Variants in CACNA1E observed in about 807,000 individuals in gnomAD.
CACNA1E encodes calcium voltage-gated channel subunit alpha1 E, also known as voltage-dependent R-type calcium channel subunit alpha-1E.
Under a neutral mutation model 259.2 loss-of-function variants are expected in CACNA1E, and 40 were observed. The ratio of observed to expected loss-of-function variants is 0.15; its 90% confidence interval spans 0.12 to 0.20. The LOEUF (loss-of-function observed/expected upper bound fraction) is 0.20, where lower values mean the gene tolerates loss of function less well. Ranked by LOEUF, CACNA1E falls within the 10% of genes least tolerant of loss-of-function variation. The pLI is 1.00. For missense variants in CACNA1E, 1,874 were observed against 3,040.1 expected (o/e 0.62, Z 9.02); for synonymous variants, 1,104 against 1,138.5 (o/e 0.97, Z 0.61).
intron 47 of CACNA1E, among the ~76,000 whole-genome samples, chr1:181,797,466 A>G (rs549065822): frequency 6.6e-6 from 1 of 152,190 alleles, no homozygotes; most frequent in Non-Finnish European, 1.5e-5. Context: ...CAGCGGAGAA[A>G]AGGCAGGGCT....
chr1:181,606,060 T>C (rs1035241230), intron 6 of CACNA1E, among the ~76,000 whole-genome samples: 1 of 152,150 alleles, frequency 6.6e-6, no homozygotes, highest in East Asian at 1.9e-4. Context: ...TCCGTCTTTC[T>C]GGTTGCTTCT....
At chr1:181,401,352 T>A (rs934818225) in intron 1 of CACNA1E, among the ~76,000 whole-genome samples, 1 of 152,132 alleles carries the variant, frequency 6.6e-6, no homozygotes, top group African/African-American at 2.4e-5. Context: ...CCCAAGACCC[T>A]CTATAGCCTC....
chr1:181,384,222 C>A (rs1326439184), intron 1 of CACNA1E, among the ~76,000 whole-genome samples: 1 of 152,140 alleles, frequency 6.6e-6, no homozygotes, highest in Admixed American at 6.5e-5. Context: ...GGTGTTAAGA[C>A]ACGGAGATGC....
chr1:181,504,280 C>G (rs535045862), intron 1 of CACNA1E, among the ~76,000 whole-genome samples: 13 of 151,970 alleles, frequency 8.6e-5, no homozygotes, highest in Admixed American at 6.6e-4. Flanking sequence ...TCTTCTATAC[C>G]CCCCCAGGAG....
rs373429409 is a variant in CACNA1E, at chr1:181,561,684, A to G, written c.513-16082A>G. 7.9e-5 allele frequency among the ~76,000 whole-genome samples: 12 copies of G among 152,278 alleles called. No homozygotes were observed. The East Asian group carries it at 9.6e-4, about 12-fold the overall frequency. On this transcript the variant is annotated intron_variant, in intron 3 of 47. Coordinates refer to ENST00000367573, the MANE Select transcript of CACNA1E (RefSeq NM_001205293.3). ...ATGATCACAATTTGTTTATTCACCA[A>G]TCGAGGGACATTTCAGTTGTTTTCA...
intron 7 of CACNA1E, among the ~76,000 whole-genome samples, chr1:181,654,877 G>A (rs1179116603): frequency 6.6e-6 from 1 of 151,278 alleles, no homozygotes; most frequent in Non-Finnish European, 1.5e-5. Flanking sequence ...CCAGCTACGC[G>A]AGAGGCTGAG....
intron 1 of CACNA1E, among the ~76,000 whole-genome samples, chr1:181,331,467 A>G (rs1253272125): frequency 6.6e-6 from 1 of 152,102 alleles, no homozygotes; most frequent in Non-Finnish European, 1.5e-5. Context: ...AGGAGAGGGG[A>G]GGAAGAGTGT....
chr1:181,787,454 A>G (rs556606975), intron 43 of CACNA1E, among the ~76,000 whole-genome samples: 3 of 152,070 alleles, frequency 2.0e-5, no homozygotes, highest in African/African-American at 7.2e-5. Flanking sequence ...CTAAATTGCA[A>G]TCTCTGTTTA....
At chr1:181,773,770 T>C (rs1659730096) in intron 37 of CACNA1E, among the ~76,000 whole-genome samples, 2 of 152,232 alleles carry the variant, frequency 1.3e-5, no homozygotes, top group African/African-American at 4.8e-5. Context: ...ACTTTTATCT[T>C]ATATGGTTTA....
chr1:181,532,535 T>A (rs1343211652), intron 3 of CACNA1E, among the ~76,000 whole-genome samples: 1 of 152,218 alleles, frequency 6.6e-6, no homozygotes, highest in African/African-American at 2.4e-5. Context: ...GATCTTTCTC[T>A]CATGTTCTCT....
chr1:181,322,475 A>G (rs1263928150), intron 1 of CACNA1E, among the ~76,000 whole-genome samples: 4 of 152,234 alleles, frequency 2.6e-5, no homozygotes, highest in African/African-American at 7.2e-5. Flanking sequence ...AACAGTTGTA[A>G]CAAATAGTTA....
intron 7 of CACNA1E, among the ~76,000 whole-genome samples, chr1:181,691,231 A>C (rs1484251894): frequency 6.6e-6 from 1 of 151,590 alleles, no homozygotes; most frequent in East Asian, 1.9e-4. Flanking sequence ...TAGTTCTTTG[A>C]TTTTATTTAT....
chr1:181,579,942 G>A (rs1651358866), intron 5 of CACNA1E, among the ~76,000 whole-genome samples: 1 of 152,154 alleles, frequency 6.6e-6, no homozygotes, highest in Non-Finnish European at 1.5e-5. Flanking sequence ...GAGATTGTTA[G>A]GGTACACAAC....
chr1:181,465,956 G>C (rs1367868217), intron 2 of CACNA1E, among the ~76,000 whole-genome samples: 1 of 151,682 alleles, frequency 6.6e-6, no homozygotes, highest in African/African-American at 2.4e-5. Context: ...ACCCAGGGGT[G>C]TTATTTTCTT....
At chr1:181,559,526 G>T (rs1649093539) in intron 3 of CACNA1E, among the ~76,000 whole-genome samples, 1 of 152,172 alleles carries the variant, frequency 6.6e-6, no homozygotes, top group Non-Finnish European at 1.5e-5. Flanking sequence ...TGGAGGAAGA[G>T]GAGTAGCCAA....
chr1:181,738,343 C>T (rs2102588630), intron 23 of CACNA1E, 24 bp from the exon 24 acceptor site: 2 of 1,605,874 alleles, frequency 1.2e-6, no homozygotes, highest in Non-Finnish European at 1.7e-6. Context: ...ATGGTCATTT[C>T]CTTCCACCAT....
At chr1:181,541,111 T>A (rs1209597145) in intron 3 of CACNA1E, among the ~76,000 whole-genome samples, 1 of 152,194 alleles carries the variant, frequency 6.6e-6, no homozygotes, top group Admixed American at 6.5e-5. Context: ...ATCTGTATGT[T>A]TTTCTTTTGT....
At chr1:181,382,017 C>A (rs995202829) in intron 1 of CACNA1E, among the ~76,000 whole-genome samples, 3 of 152,154 alleles carry the variant, frequency 2.0e-5, no homozygotes, top group African/African-American at 4.8e-5. Context: ...TAGATGAGAT[C>A]TCTGGCCAGA....
intron 1 of CACNA1E, among the ~76,000 whole-genome samples, chr1:181,328,088 A>C (rs1650937309): frequency 6.6e-6 from 1 of 152,184 alleles, no homozygotes; most frequent in Non-Finnish European, 1.5e-5. Flanking sequence ...GAGCTGCTGT[A>C]ACACAACACT....
Sources: gnomAD v4.1 joint callset for allele counts (sites outside exome capture counted in the v4.1 genomes callset) on GRCh38, gnomAD v4.1.1 for gene constraint, MANE v1.5 for transcripts, NCBI Gene and HGNC (gene_info 2026-07-23, HGNC 2026-07-21) for gene names.